Variants in STXBP5L observed in about 807,000 individuals in gnomAD.
STXBP5L encodes the protein syntaxin-binding protein 5-like.
A neutral mutation model predicts 144.5 loss-of-function variants in STXBP5L; 65 were observed. The ratio of observed to expected loss-of-function variants is 0.45; its 90% CI spans 0.37 to 0.55. The LOEUF is 0.55. Among genes scored for constraint, STXBP5L ranks in the 20% least tolerant of loss-of-function variants. STXBP5L has a pLI of 0.00. For synonymous variants in STXBP5L, 505 were observed against 469.6 expected (o/e 1.08, Z -0.97); for missense variants, 1,298 against 1,405.5 (o/e 0.92, Z 1.22).
intron 5 of STXBP5L, among the ~76,000 whole-genome samples, chr3:121,079,359 C>A (rs1560101083): frequency 6.6e-6 from 1 of 152,212 alleles, no homozygotes; most frequent in Non-Finnish European, 1.5e-5. Context: ...TGTGACACTG[C>A]AGCCATGCAG....
At chr3:121,064,946 CTA>C (rs1351435886) in intron 5 of STXBP5L, among the ~76,000 whole-genome samples, 1 of 152,108 alleles carries the variant, frequency 6.6e-6, no homozygotes, top group Non-Finnish European at 1.5e-5. Context: ...ATGTTTATGT[CTA>C]TGTGTGCTCA....
At chr3:121,185,911 G>T (rs2047361183) in intron 9 of STXBP5L, among the ~76,000 whole-genome samples, 1 of 152,130 alleles carries the variant, frequency 6.6e-6, no homozygotes, top group Non-Finnish European at 1.5e-5. Flanking sequence ...TCACAATATT[G>T]ATTCTTCCTA....
At chr3:121,193,739 C>T (rs555063478) in intron 9 of STXBP5L, among the ~76,000 whole-genome samples, 2 of 152,068 alleles carry the variant, frequency 1.3e-5, no homozygotes, top group Admixed American at 6.6e-5. Context: ...AACCAAACAC[C>T]GTATGTTCTC....
chr3:121,371,038 T>C (rs996234554), intron 20 of STXBP5L, among the ~76,000 whole-genome samples: 3 of 152,254 alleles, frequency 2.0e-5, no homozygotes, highest in African/African-American at 7.2e-5. Context: ...AGTTAAGAAC[T>C]CTTGCTGGAG....
At chr3:121,309,012 G>A (rs1212950940) in intron 19 of STXBP5L, among the ~76,000 whole-genome samples, 1 of 151,816 alleles carries the variant, frequency 6.6e-6, no homozygotes, top group African/African-American at 2.4e-5. Flanking sequence ...AGAAAATATG[G>A]TGAAAGATTA....
At chr3:120,979,087 G>A (rs1325838246) in intron 3 of STXBP5L, among the ~76,000 whole-genome samples, 1 of 152,236 alleles carries the variant, frequency 6.6e-6, no homozygotes, top group African/African-American at 2.4e-5. Context: ...CTGTCAGACA[G>A]GGACATTTAA....
intron 3 of STXBP5L, among the ~76,000 whole-genome samples, chr3:120,962,667 T>C (rs1017611778): frequency 6.6e-6 from 1 of 152,238 alleles, no homozygotes; most frequent in South Asian, 2.1e-4. Context: ...CCATGCTGTT[T>C]TGCTTACTGT....
At chr3:121,292,195 A>C (rs981057809) in intron 19 of STXBP5L, among the ~76,000 whole-genome samples, 4 of 152,158 alleles carry the variant, frequency 2.6e-5, no homozygotes, top group Admixed American at 2.6e-4. Context: ...CAAATCAGCC[A>C]GAAAAAAAAT....
chr3:120,917,174 A>G (rs993039880), intron 2 of STXBP5L, among the ~76,000 whole-genome samples: 3 of 152,242 alleles, frequency 2.0e-5, no homozygotes, highest in African/African-American at 7.2e-5. Context: ...CAAAGATAGT[A>G]AAAACAAAAC....
Position 121,040,086 on chromosome 3 carries a change from C to T in STXBP5L, c.288-1614C>T, listed in dbSNP as rs78349918. On this transcript the variant is annotated intron_variant, in intron 3 of 26. Coordinates refer to ENST00000471454, the MANE Select transcript of STXBP5L (RefSeq NM_001308330.2). ...ACTATCTCTGTCTATTATTTCTATC[C>T]TGTTTTATTTCTGGGTCTCTTTCTA... Among the ~76,000 whole-genome samples the T allele has an allele frequency of 3.4e-4, 52 of 152,020 alleles. No homozygotes were observed. In the East Asian group the frequency reaches 7.7e-3, roughly 23 times the overall value.
intron 9 of STXBP5L, among the ~76,000 whole-genome samples, chr3:121,172,401 C>G (rs561514278): frequency 1.1e-4 from 17 of 152,252 alleles, no homozygotes; most frequent in Admixed American, 2.0e-4. Context: ...GACAGGCAAC[C>G]TACAGAATGG....
At chr3:121,083,506 A>G (rs1457947189) in intron 5 of STXBP5L, among the ~76,000 whole-genome samples, 1 of 152,058 alleles carries the variant, frequency 6.6e-6, no homozygotes, top group East Asian at 1.9e-4. Flanking sequence ...TACTAAAAAT[A>G]CAAAAAATTA....
chr3:121,237,686 T>C (rs558062798), intron 12 of STXBP5L, among the ~76,000 whole-genome samples: 1 of 152,340 alleles, frequency 6.6e-6, no homozygotes, highest in South Asian at 2.1e-4. Flanking sequence ...GGTGATTCCA[T>C]TGTGGACATA....
chr3:121,154,507 T>C (rs956612258), intron 8 of STXBP5L, among the ~76,000 whole-genome samples: 18 of 151,816 alleles, frequency 1.2e-4, no homozygotes, highest in African/African-American at 4.3e-4. Flanking sequence ...TCCACCTCAT[T>C]TATCATGCAC....
At chr3:120,949,262 A>G (rs749299319) in intron 2 of STXBP5L, among the ~76,000 whole-genome samples, 2 of 150,608 alleles carry the variant, frequency 1.3e-5, no homozygotes, top group African/African-American at 2.4e-5. Flanking sequence ...TATTATATTT[A>G]TATTTTTATT....
chr3:121,239,265 C>A (rs2049587102), intron 13 of STXBP5L, 147 bp downstream of exon 13: 4 of 467,062 alleles, frequency 8.6e-6, no homozygotes, highest in Non-Finnish European at 3.7e-6. Flanking sequence ...AAATACATAA[C>A]TTCTTAAATT....
At chr3:121,051,352 C>T (rs1329112787) in intron 5 of STXBP5L, among the ~76,000 whole-genome samples, 1 of 152,116 alleles carries the variant, frequency 6.6e-6, no homozygotes, top group Non-Finnish European at 1.5e-5. Context: ...CTCTCCTCAG[C>T]AAATGTAAAA....
intron 23 of STXBP5L, among the ~76,000 whole-genome samples, chr3:121,412,529 G>A (rs7650658): frequency 0.78 from 117,814 of 151,854 alleles, 45,753 homozygotes; most frequent in East Asian, 0.89. Context: ...TAGTGACTTA[G>A]TCTTAGAGCA....
chr3:121,004,549 T>C (rs568071530), intron 3 of STXBP5L, among the ~76,000 whole-genome samples: 1 of 152,036 alleles, frequency 6.6e-6, no homozygotes, highest in Admixed American at 6.6e-5. Flanking sequence ...TATTTCCTTC[T>C]CCTGCCTGAT....
Sources: gnomAD v4.1 joint callset for allele counts (sites outside exome capture counted in the v4.1 genomes callset) on GRCh38, gnomAD v4.1.1 for gene constraint, MANE v1.5 for transcripts, NCBI Gene and HGNC (gene_info 2026-07-23, HGNC 2026-07-21) for gene names.